The following ZBTB37 variants were observed in gnomAD, a reference collection of about 807,000 sequenced individuals.
The protein encoded by ZBTB37 is zinc finger and BTB domain-containing protein 37.
ZBTB37 carries 15 observed loss-of-function variants against 37.7 expected under a neutral mutation model. The observed-to-expected ratio is 0.40, with a 90% CI of 0.27 to 0.61. The LOEUF is 0.61. Ranked by LOEUF, ZBTB37 falls within the 20% of genes least tolerant of loss-of-function variation. The probability of loss-of-function intolerance (pLI) is 0.44; values close to 1 mark genes in which losing one functional copy is unlikely to be tolerated. For synonymous variants in ZBTB37, 231 were observed against 220.6 expected (o/e 1.05, Z -0.42); for missense variants, 514 against 641.9 (o/e 0.80, Z 2.15).
exon 4 of ZBTB37, chr1:173,898,214 A>G (rs1372586352): frequency 6.6e-6 from 1 of 152,122 alleles, no homozygotes; most frequent in Non-Finnish European, 1.5e-5. Flanking sequence ...TAATCCCAGC[A>G]CTTTGGGAAG....
intron 3 of ZBTB37, among the ~76,000 whole-genome samples, chr1:173,872,706 A>C (rs1372417020): frequency 6.6e-6 from 1 of 152,036 alleles, no homozygotes; most frequent in Admixed American, 6.6e-5. Flanking sequence ...TTTAAAAAAA[A>C]CTATCAGAAG....
At chr1:173,875,979 GT>G (rs1655944152) in intron 4 of ZBTB37, among the ~76,000 whole-genome samples, 1 of 152,106 alleles carries the variant, frequency 6.6e-6, no homozygotes, top group African/African-American at 2.4e-5. Context: ...TTTTATGTGT[GT>G]TTGCTATTTC....
chr1:173,893,347 C>T (rs1656922817), exon 4 of ZBTB37: 1 of 152,190 alleles, frequency 6.6e-6, no homozygotes, highest in African/African-American at 2.4e-5. Flanking sequence ...ATGAAATCAC[C>T]TGTCTGCAGT....
At chr1:173,880,650 C>T (rs954817645) in intron 4 of ZBTB37, among the ~76,000 whole-genome samples, 1 of 152,156 alleles carries the variant, frequency 6.6e-6, no homozygotes, top group Non-Finnish European at 1.5e-5. Flanking sequence ...TGAAATAATC[C>T]ACCTCTTGAC....
chr1:173,872,334 G>T (rs984312327), intron 3 of ZBTB37, among the ~76,000 whole-genome samples: 8 of 151,916 alleles, frequency 5.3e-5, no homozygotes, highest in African/African-American at 1.9e-4. Context: ...CAGCCTCCCA[G>T]AGTGCTGGGA....
exon 4 of ZBTB37, chr1:173,902,137 A>G (rs1011510634): frequency 6.6e-6 from 1 of 152,266 alleles, no homozygotes; most frequent in Admixed American, 6.5e-5. Flanking sequence ...ATTGTAAAGC[A>G]TTTAAACTAG....
chr1:173,899,020 C>T (rs1042887091), exon 4 of ZBTB37: 1 of 152,116 alleles, frequency 6.6e-6, no homozygotes, highest in African/African-American at 2.4e-5. Context: ...TATTTAGTTT[C>T]CTGGTGACTT....
intron 4 of ZBTB37, among the ~76,000 whole-genome samples, chr1:173,879,629 G>T (rs182018301): frequency 6.6e-6 from 1 of 152,232 alleles, no homozygotes; most frequent in Admixed American, 6.5e-5. Flanking sequence ...AAAGAAGTTT[G>T]TAAACCCCAA....
At chr1:173,879,573 AGAACCT>A (rs1656183966) in intron 4 of ZBTB37, among the ~76,000 whole-genome samples, 1 of 152,196 alleles carries the variant, frequency 6.6e-6, no homozygotes, top group Non-Finnish European at 1.5e-5. Context: ...TGCCAGGTAC[AGAACCT>A]TCTGTCAAAG....
intron 4 of ZBTB37, among the ~76,000 whole-genome samples, chr1:173,880,618 G>C (rs1311127841): frequency 6.6e-6 from 1 of 152,238 alleles, no homozygotes; most frequent in Non-Finnish European, 1.5e-5. Flanking sequence ...CAGTCTAATA[G>C]GTAATTGTCA....
At chr1:173,872,364 C>T (rs1181504430) in intron 3 of ZBTB37, among the ~76,000 whole-genome samples, 6 of 151,898 alleles carry the variant, frequency 4.0e-5, no homozygotes, top group Admixed American at 1.3e-4. Flanking sequence ...TGAGCCACTG[C>T]GCCCGGCCTT....
exon 5 of ZBTB37, chr1:173,885,642 G>A: frequency 6.4e-7 from 1 of 1,550,480 alleles, no homozygotes; most frequent in East Asian, 2.4e-5. Context: ...ACAGGTAGAA[G>A]AGTCAGCAAT....
exon 3 of ZBTB37, chr1:173,870,302 G>A (rs766804906): frequency 1.2e-6 from 2 of 1,614,194 alleles, no homozygotes; most frequent in Non-Finnish European, 8.5e-7. Flanking sequence ...AACCAGTTGC[G>A]CATGCAGGGC....
chr1:173,881,838 A>G (rs1656328330), intron 4 of ZBTB37, among the ~76,000 whole-genome samples: 1 of 152,110 alleles, frequency 6.6e-6, no homozygotes, highest in African/African-American at 2.4e-5. Flanking sequence ...GCGGATCACA[A>G]GGTCAGGAGA....
rs371801992 is a variant in ZBTB37 at position 173,874,338 on chromosome 1, CT to C, written c.1023+786del. On this transcript the variant is annotated intron_variant, in intron 4 of 4. Coordinates refer to ENST00000427304, the Ensembl canonical transcript of ZBTB37. ...TATCTAAAAAATCTATAGAAAACATCTTTTTTTTTTTTTTGAGACGGAGTCT... is the reference window on the plus strand; with the variant it reads ...TATCTAAAAAATCTATAGAAAACATCTTTTTTTTTTTTTGAGACGGAGTCT... Among the ~76,000 whole-genome samples, 835 of 141,148 alleles carry C rather than the reference CT, an allele frequency of 5.9e-3. 7 individuals are homozygous for C. Among genetic ancestry groups the C allele is most frequent in the South Asian group, 0.022 (100 of 4,456 alleles). 92.6% of individuals were successfully genotyped at this position (141,148 alleles called of 152,430 possible).
intron 2 of ZBTB37, among the ~76,000 whole-genome samples, chr1:173,869,447 T>C (rs1655347756): frequency 6.6e-6 from 1 of 152,258 alleles, no homozygotes; most frequent in African/African-American, 2.4e-5. Flanking sequence ...CTGTATTTTT[T>C]CATCGGATCT....
exon 5 of ZBTB37, chr1:173,886,080 G>C (rs1326388165): frequency 6.4e-7 from 1 of 1,551,500 alleles, no homozygotes; most frequent in African/African-American, 1.4e-5. Flanking sequence ...AGTTGCTCCT[G>C]GGGAAGCTGT....
At chr1:173,880,036 C>T (rs1047605516) in intron 4 of ZBTB37, among the ~76,000 whole-genome samples, 1 of 152,192 alleles carries the variant, frequency 6.6e-6, no homozygotes, top group Non-Finnish European at 1.5e-5. Context: ...CTACAAAGCC[C>T]AGACAAATAC....
chr1:173,889,599 TC>T (rs1196159819), downstream of ZBTB37: 3 of 152,234 alleles, frequency 2.0e-5, no homozygotes, highest in African/African-American at 7.2e-5. Flanking sequence ...CTGTCTGAAC[TC>T]TAATACCAGT....
Sources: allele counts gnomAD v4.1 joint callset (sites outside exome capture counted in the v4.1 genomes callset), GRCh38; gene constraint gnomAD v4.1.1; transcripts MANE v1.5; gene names NCBI Gene and HGNC (gene_info 2026-07-23, HGNC 2026-07-21).